MEI1: variants seen among roughly 807,000 people sequenced by gnomAD.
MEI1 encodes the protein meiotic double-stranded break formation protein 1.
MEI1 carries 103 observed loss-of-function variants against 146.2 expected under a neutral mutation model. The observed-to-expected ratio is 0.70, with a 90% CI of 0.60 to 0.83. The LOEUF is 0.83. MEI1 is among the 40% of genes least tolerant of loss of function. MEI1 has a pLI of 0.00. For synonymous variants in MEI1, 652 were observed against 628.2 expected, an observed-to-expected ratio of 1.04 and a Z score of -0.57; for missense variants, 1,529 against 1,533.0, an observed-to-expected ratio of 1.00 and a Z score of 0.04.
intron 17 of MEI1, 49 bp downstream of exon 17, chr22:41,754,095 A>G (rs776227928): frequency 1.5e-6 from 2 of 1,372,532 alleles, no homozygotes; most frequent in Non-Finnish European, 1.0e-6. Flanking sequence ...TGGTCTTTAG[A>G]GTCTGGGTGC....
chr22:41,733,562 C>G (rs1002247500), intron 11 of MEI1, among the ~76,000 whole-genome samples: 4 of 152,064 alleles, frequency 2.6e-5, no homozygotes, highest in African/African-American at 9.7e-5. Context: ...TCGAGACCAG[C>G]CTGGCCAATG....
At chr22:41,736,658 GTAC>G (rs2072399743) in intron 11 of MEI1, among the ~76,000 whole-genome samples, 7 of 152,218 alleles carry the variant, frequency 4.6e-5, no homozygotes, top group African/African-American at 1.7e-4. Flanking sequence ...ACCTCTCAAA[GTAC>G]TGGGATTACA....
intron 19 of MEI1, among the ~76,000 whole-genome samples, chr22:41,764,793 A>T (rs2074733613): frequency 6.6e-6 from 1 of 152,210 alleles, no homozygotes; most frequent in South Asian, 2.1e-4. Context: ...CCAGAAGAAG[A>T]TACCAATACC....
rs541774786 is a variant in MEI1 at position 41,738,780 on chromosome 22, A to C, written c.1332-4300A>C. 3.9e-3 allele frequency among the ~76,000 whole-genome samples: 504 copies of C among 129,286 alleles called. 6 individuals are homozygous for C. The South Asian group carries it at 0.048, about 12-fold the overall frequency. 84.8% of individuals were successfully genotyped at this position (129,286 alleles called of 152,430 possible). A position where few individuals can be genotyped will look rare whatever the true frequency, so the allele number is the denominator to read the frequency against. ...AGCAAGACTCTGTCTCAAAAAAAAA[A>C]ATAAATAAATAAATAAGTAATAAAA... is the stretch of plus-strand genomic sequence containing the variant. On this transcript the variant is annotated intron_variant, in intron 11 of 30. Transcript: ENST00000401548.
chr22:41,794,081 A>G (rs1174158660), intron 27 of MEI1, 171 bp downstream of exon 27: 11 of 701,548 alleles, frequency 1.6e-5, no homozygotes, highest in Admixed American at 1.1e-4. Context: ...GATGGGATCA[A>G]TAAGGTTCAG....
At chr22:41,744,479 G>T (rs1319243190) in intron 12 of MEI1, among the ~76,000 whole-genome samples, 1 of 16,846 alleles carries the variant, frequency 5.9e-5, no homozygotes, top group Non-Finnish European at 1.0e-4. Flanking sequence ...GCTTTGCTAT[G>T]ATTTTTTTTT....
Position 41,770,877 on chromosome 22 carries a change from T to TG in MEI1, c.2461dup (p.Ala821GlyfsTer45). 1 of 1,614,074 alleles carries TG rather than the reference T, an allele frequency of 6.2e-7. No homozygotes were observed. Among genetic ancestry groups the TG allele is most frequent in the Non-Finnish European group, 8.5e-7 (1 of 1,179,904 alleles). ...ATGAGGAACTGGATGATGTCACCTC[T>TG]GCTGGGCAGCCCGCCCTTCCTGCCA... On this transcript the variant is annotated frameshift_variant, in exon 20 of 31. Transcript: ENST00000401548. LOFTEE classifies it high-confidence loss of function.
intron 18 of MEI1, among the ~76,000 whole-genome samples, chr22:41,760,319 TAAAAA>T (rs575438849): frequency 1.4e-5 from 2 of 139,538 alleles, no homozygotes; most frequent in African/African-American, 5.4e-5. Context: ...CAAAAAAAAA[TAAAAA>T]AAAGAATAAA....
At chr22:41,745,105 TA>T (rs1330382874) in intron 13 of MEI1, 41 bp downstream of exon 13, 1 of 1,390,520 alleles carries the variant, frequency 7.2e-7, no homozygotes, top group African/African-American at 1.5e-5. Context: ...GCATGGAAGG[TA>T]GGGGTGGAAG....
At chr22:41,767,459 ATGTG>A (rs1224327756) in intron 19 of MEI1, 2 of 402,548 alleles carry the variant, frequency 5.0e-6, no homozygotes, top group African/African-American at 4.1e-5. Context: ...ATACACACTG[ATGTG>A]TGTTAAGGTA....
At chr22:41,716,734 G>A (rs1284553937) in intron 5 of MEI1, among the ~76,000 whole-genome samples, 3 of 146,838 alleles carry the variant, frequency 2.0e-5, no homozygotes, top group Admixed American at 7.0e-5. Context: ...CTGTTGCCCA[G>A]GCTGGAGTGC....
intron 3 of MEI1, 91 bp downstream of exon 3, chr22:41,705,645 G>GACAA: frequency 9.4e-7 from 1 of 1,063,260 alleles, no homozygotes; most frequent in Middle Eastern, 2.0e-4. Flanking sequence ...GAAATTGTCT[G>GACAA]TTTAGACACA....
At chr22:41,793,296 T>G (rs1031862763) in intron 26 of MEI1, among the ~76,000 whole-genome samples, 1 of 152,040 alleles carries the variant, frequency 6.6e-6, no homozygotes, top group South Asian at 2.1e-4. Flanking sequence ...CCCAAAGTGC[T>G]GGGATTACAG....
At position 41,709,558 on chromosome 22, in the gene MEI1, G is replaced by A. The variant is rs116314189; in HGVS notation, c.349+4004G>A. 932 of 519,392 alleles carry A rather than the reference G, an allele frequency of 1.8e-3. 6 individuals are homozygous for A. The highest frequency in any genetic ancestry group is 0.017 in the African/African-American group (849 of 51,226). 32.2% of individuals were successfully genotyped at this position (519,392 alleles called of 1,614,324 possible). A position where few individuals can be genotyped will look rare whatever the true frequency, so the allele number is the denominator to read the frequency against. On this transcript the variant is annotated intron_variant, in intron 3 of 30. Coordinates refer to ENST00000401548, the MANE Select transcript of MEI1 (RefSeq NM_152513.4). ...TGCAGCGGCACACGGGCTTTGGTCG[G>A]TCCAGGGGTTGTTCTCGCCTCTTCT...
chr22:41,769,534 G>A lies in MEI1; in HGVS notation c.2269-1152G>A, dbSNP rs540893346. ...GTTACCCAGGCTAGAGTGCAATGGCGTGATCTTGGCTCACCACAACCTCTG... is the reference window on the plus strand; with the variant it reads ...GTTACCCAGGCTAGAGTGCAATGGCATGATCTTGGCTCACCACAACCTCTG... On this transcript the variant is annotated intron_variant, in intron 19 of 30. Coordinates refer to ENST00000401548, the MANE Select transcript of MEI1 (RefSeq NM_152513.4). Among the ~76,000 whole-genome samples the A allele has an allele frequency of 2.6e-3, 389 of 151,474 alleles. 2 individuals carry two copies. Among genetic ancestry groups the A allele is most frequent in the African/African-American group, 8.9e-3 (368 of 41,286 alleles).
chr22:41,712,877 C>A (rs1313952804), intron 3 of MEI1, among the ~76,000 whole-genome samples: 1 of 145,976 alleles, frequency 6.9e-6, no homozygotes, highest in Admixed American at 6.9e-5. Context: ...GGCGTGATCT[C>A]GGCTCACTAC....
Position 41,745,046 on chromosome 22 carries a change from G to C in MEI1, c.1520G>C (p.Gly507Ala). 6.4e-7 allele frequency: 1 copy of C among 1,557,458 alleles called. No homozygotes were observed. The highest frequency in any genetic ancestry group is 8.7e-7 in the Non-Finnish European group (1 of 1,149,962). The change falls in exon 13 of 31, where the codon GGA becomes GCA. Residue 507 changes from glycine (G) to alanine (A), a missense_variant. Around this residue, in one of 3 missense-constraint regions of MEI1, gnomAD observed 1,212 missense variants for 1,178.9 expected, o/e 1.03. Transcript: ENST00000401548. ...RGKFLLSTLE[G>A]FRSACRLAIE... is the part of the protein sequence containing the mutation. The stretch of plus-strand genomic sequence containing the variant: ...AAGTTCCTCCTCAGCACTCTGGAGG[G>C]ATTTAGAAGTGCCTGCAGGTGAGGG...
chr22:41,794,245 G>A, intron 27 of MEI1, 126 bp from the exon 28 acceptor site: 1 of 796,390 alleles, frequency 1.3e-6, no homozygotes, highest in East Asian at 2.4e-5. Flanking sequence ...ACCCTCCTTG[G>A]GTCAGCTTGT....
At chr22:41,765,880 GTTCTTTT>G (rs1179754502) in intron 19 of MEI1, among the ~76,000 whole-genome samples, 1 of 116,174 alleles carries the variant, frequency 8.6e-6, no homozygotes, top group Non-Finnish European at 1.8e-5. Flanking sequence ...ATACCAAAAT[GTTCTTTT>G]TTTTTTTTTT....
Sources: allele counts gnomAD v4.1 joint callset (sites outside exome capture counted in the v4.1 genomes callset), GRCh38; gene constraint gnomAD v4.1.1; regional missense constraint gnomAD v4.1.1; transcripts MANE v1.5; gene names NCBI Gene and HGNC (gene_info 2026-07-23, HGNC 2026-07-21).